Variants in MLIP observed in about 807,000 individuals in gnomAD.
The protein encoded by MLIP is muscular LMNA interacting protein, also known as muscular LMNA-interacting protein.
MLIP carries 79 observed loss-of-function variants against 84.8 expected under a neutral mutation model. The ratio of observed to expected loss-of-function variants is 0.93; its 90% CI spans 0.78 to 1.12. MLIP has a LOEUF of 1.12. Ranked by LOEUF, MLIP falls within the 50% of genes most tolerant of loss-of-function variation. The probability of loss-of-function intolerance (pLI) is 0.00; values close to 1 mark genes in which losing one functional copy is unlikely to be tolerated. For synonymous variants in MLIP, 504 were observed against 463.0 expected, an observed-to-expected ratio of 1.09 and a Z score of -1.14; for missense variants, 1,257 against 1,160.6, an observed-to-expected ratio of 1.08 and a Z score of -1.21.
intron 1 of MLIP, among the ~76,000 whole-genome samples, chr6:54,105,196 T>C (rs1423414473): frequency 6.6e-6 from 1 of 152,208 alleles, no homozygotes. Context: ...AGAATCCTGC[T>C]GTCTCTTCCT....
At chr6:54,158,389 A>G (rs1774267557) in intron 5 of MLIP, among the ~76,000 whole-genome samples, 1 of 152,130 alleles carries the variant, frequency 6.6e-6, no homozygotes. Context: ...TCAAGCGACG[A>G]TATTTCTCTT....
At chr6:54,098,160 T>C (rs1325291349) in intron 1 of MLIP, among the ~76,000 whole-genome samples, 4 of 148,834 alleles carry the variant, frequency 2.7e-5, no homozygotes, top group African/African-American at 9.8e-5. Context: ...TTTTTTTTTT[T>C]TTTTTTTTTG....
intron 1 of MLIP, among the ~76,000 whole-genome samples, chr6:54,079,046 A>T (rs1307728877): frequency 6.6e-6 from 1 of 152,206 alleles, no homozygotes; most frequent in Non-Finnish European, 1.5e-5. Context: ...GGACATATCT[A>T]TACTAAATAA....
upstream of MLIP, among the ~76,000 whole-genome samples, chr6:54,110,976 T>C (rs1210567807): frequency 1.6e-4 from 25 of 152,236 alleles, no homozygotes; most frequent in Non-Finnish European, 1.5e-5. Flanking sequence ...ATAAAGTTAC[T>C]GATATTTTGA....
intron 1 of MLIP, among the ~76,000 whole-genome samples, chr6:54,051,490 A>T (rs1367728009): frequency 6.6e-6 from 1 of 152,166 alleles, no homozygotes; most frequent in Non-Finnish European, 1.5e-5. Context: ...CAAACGTACA[A>T]AACTCCCAAA....
intron 1 of MLIP, among the ~76,000 whole-genome samples, chr6:54,020,617 G>A (rs1025869064): frequency 6.6e-6 from 1 of 152,158 alleles, no homozygotes; most frequent in African/African-American, 2.4e-5. Flanking sequence ...CTTCTTATTC[G>A]AAGTGATTCG....
rs115303924 is a variant in MLIP, at chr6:54,189,118, A to G, written c.2545-752A>G. Among the ~76,000 whole-genome samples, 323 of 152,322 alleles carry G rather than the reference A, an allele frequency of 2.1e-3. 2 individuals are homozygous for G. The highest frequency in any genetic ancestry group is 7.5e-3 in the African/African-American group (312 of 41,580). On this transcript the variant is annotated intron_variant, in intron 9 of 13. Transcript: ENST00000502396. ...AGAAGGAAACTAGGGAGCAGGGGGA[A>G]ATGGGAAGTTACTAATCAACATGAA...
intron 3 of MLIP, among the ~76,000 whole-genome samples, chr6:54,134,281 T>C (rs1771626944): frequency 6.6e-6 from 1 of 152,056 alleles, no homozygotes; most frequent in Non-Finnish European, 1.5e-5. Context: ...AAAAATTTAT[T>C]AATTAGAGAA....
chr6:54,177,860 A>C, intron 9 of MLIP, among the ~76,000 whole-genome samples: 1 of 152,226 alleles, frequency 6.6e-6, no homozygotes, highest in East Asian at 1.9e-4. Context: ...AATACTATGT[A>C]GCCATATAAA....
At chr6:54,196,057 C>T (rs1411225953) in intron 10 of MLIP, among the ~76,000 whole-genome samples, 2 of 152,098 alleles carry the variant, frequency 1.3e-5, no homozygotes, top group African/African-American at 4.8e-5. Flanking sequence ...TTCTCATCCT[C>T]TATTGGAAAA....
chr6:54,192,256 C>T (rs901955950), intron 10 of MLIP, among the ~76,000 whole-genome samples: 1 of 151,610 alleles, frequency 6.6e-6, no homozygotes, highest in Non-Finnish European at 1.5e-5. Flanking sequence ...CCTTGAGATA[C>T]AGGTAGGTTT....
intron 9 of MLIP, among the ~76,000 whole-genome samples, chr6:54,170,032 A>AAGTGGATAGATAT (rs1364049544): frequency 6.6e-6 from 1 of 151,718 alleles, no homozygotes; most frequent in African/African-American, 2.4e-5. Context: ...TTATGAGCAA[A>AAGTGGATAGATAT]AGTGGATAGA....
In MLIP at chr6:54,214,877, T is replaced by C. The variant is rs182511275; in HGVS notation, c.2718+12644T>C. ...AGTAGTGAGTGCTGTGGTTTTATGC[T>C]GAATGGTGTTGCTACTTCTCTGTCT... On this transcript the variant is annotated intron_variant, in intron 11 of 13. Coordinates refer to ENST00000502396, the MANE Select transcript of MLIP (RefSeq NM_001281747.2). Among the ~76,000 whole-genome samples, 443 of 152,314 alleles carry C rather than the reference T, an allele frequency of 2.9e-3. 1 individual carries two copies. The highest frequency in any genetic ancestry group is 5.5e-3 in the Non-Finnish European group (377 of 68,026).
chr6:54,030,465 T>C (rs1764065154), intron 1 of MLIP, among the ~76,000 whole-genome samples: 1 of 151,966 alleles, frequency 6.6e-6, no homozygotes, highest in Non-Finnish European at 1.5e-5. Flanking sequence ...AGAAGGAGAG[T>C]TAGGGAAGGA....
chr6:54,062,723 TA>T (rs1374642362), intron 1 of MLIP, among the ~76,000 whole-genome samples: 3 of 150,832 alleles, frequency 2.0e-5, no homozygotes, highest in African/African-American at 7.5e-5. Flanking sequence ...ATCTATTTTT[TA>T]ATTTTTTAAA....
intron 13 of MLIP, among the ~76,000 whole-genome samples, chr6:54,258,212 A>C: frequency 6.6e-6 from 1 of 152,110 alleles, no homozygotes; most frequent in East Asian, 1.9e-4. Flanking sequence ...CAAGTTTAGG[A>C]AGAAACAAGC....
chr6:54,082,996 A>T (rs1767261751), intron 1 of MLIP, among the ~76,000 whole-genome samples: 1 of 152,110 alleles, frequency 6.6e-6, no homozygotes, highest in South Asian at 2.1e-4. Flanking sequence ...TGTTTTTCTC[A>T]TAAGATTATA....
At position 54,058,291 on chromosome 6, in the gene MLIP, A is replaced by C. The variant is rs554665251; in HGVS notation, c.63+39200A>C. On this transcript the variant is annotated intron_variant, in intron 1 of 12. Transcript: ENST00000274897. ...TCTTCCAGGTGTCAGACTTTGTGTTAGATACTGGGGTTACAGTGGTAAAAA... is the reference window on the plus strand; with the variant it reads ...TCTTCCAGGTGTCAGACTTTGTGTTCGATACTGGGGTTACAGTGGTAAAAA... 3.3e-5 allele frequency among the ~76,000 whole-genome samples: 5 copies of C among 152,326 alleles called. No homozygotes were observed. The South Asian group carries it at 1.0e-3, about 32-fold the overall frequency.
chr6:54,265,812 A>G lies in MLIP; in HGVS notation c.2977-138A>G, dbSNP rs1582668513. ...CAAGGAAGGATCTACTTAAGGAATA[A>G]AAATAAGCTTTTCCTATTGTAGTAT... is the stretch of plus-strand genomic sequence containing the variant. On this transcript the variant is annotated intron_variant, in intron 13 of 13. Transcript: ENST00000502396. 4.1e-6 allele frequency: 3 copies of G among 730,048 alleles called. No homozygotes were observed. The East Asian group carries it at 8.3e-5, about 20-fold the overall frequency. 45.2% of individuals were successfully genotyped at this position (730,048 alleles called of 1,614,324 possible).
Sources: gnomAD v4.1 joint callset for allele counts (sites outside exome capture counted in the v4.1 genomes callset) on GRCh38, gnomAD v4.1.1 for gene constraint, MANE v1.5 for transcripts, NCBI Gene and HGNC (gene_info 2026-07-23, HGNC 2026-07-21) for gene names.